Variants in FNIP2 observed in about 807,000 individuals in gnomAD.
FNIP2 encodes folliculin-interacting protein 2.
FNIP2 carries 32 observed loss-of-function variants against 108.7 expected under a neutral mutation model. The observed-to-expected ratio is 0.29, with a 90% confidence interval of 0.22 to 0.40. FNIP2 has a LOEUF of 0.40. FNIP2 is among the 10% of genes least tolerant of loss of function. The pLI is 1.00. For missense variants in FNIP2, 1,202 were observed against 1,381.6 expected, an observed-to-expected ratio of 0.87 and a Z score of 2.06; for synonymous variants, 480 against 496.7, an observed-to-expected ratio of 0.97 and a Z score of 0.45.
intron 14 of FNIP2, 21 bp downstream of exon 14, chr4:158,870,490 G>T (rs372881107): frequency 1.3e-6 from 2 of 1,585,670 alleles, no homozygotes. Context: ...CCAGTGTGGA[G>T]CCTCTGGCTG....
Position 158,851,385 on chromosome 4 carries a change from C to T in FNIP2, c.792C>T (p.Ser264=). The stretch of plus-strand genomic sequence containing the variant: ...CAAGCTCCTCTACATCTTCTTCCAG[C>T]AGTTACCAGCGCCGCTGGCTTCGAA... The part of the protein sequence containing the change: ...PSPSSSTSSS[S]SYQRRWLRSQ... The change falls in exon 8 of 17, where the codon AGC becomes AGT. Residue 264 remains serine (S), a synonymous_variant. Transcript: ENST00000264433. 1.2e-5 allele frequency: 19 copies of T among 1,613,986 alleles called. No homozygotes were observed. The highest frequency in any genetic ancestry group is 1.6e-5 in the Non-Finnish European group (19 of 1,179,882).
intron 14 of FNIP2, among the ~76,000 whole-genome samples, chr4:158,874,397 G>A (rs751970969): frequency 3.3e-5 from 5 of 150,852 alleles, no homozygotes; most frequent in Non-Finnish European, 7.4e-5. Context: ...CCCAATAAAT[G>A]TGGGCCAAAT....
intron 2 of FNIP2, among the ~76,000 whole-genome samples, chr4:158,826,263 A>G (rs752975354): frequency 4.6e-5 from 7 of 152,252 alleles, no homozygotes; most frequent in Non-Finnish European, 1.0e-4. Flanking sequence ...GTTAGCAAGT[A>G]ATCATGGCAG....
At chr4:158,835,612 T>C in intron 7 of FNIP2, 136 bp downstream of exon 7, 1 of 703,616 alleles carries the variant, frequency 1.4e-6, no homozygotes, top group South Asian at 1.8e-5. Flanking sequence ...GTCTGACATA[T>C]CTAAAGATCT....
At position 158,870,323 on chromosome 4, in the gene FNIP2, A is replaced by G. The variant is rs1780867087; in HGVS notation, c.2803A>G (p.Ile935Val). 6.2e-7 allele frequency: 1 copy of G among 1,613,664 alleles called. No homozygotes were observed. Among genetic ancestry groups the G allele is most frequent in the African/African-American group, 1.3e-5 (1 of 75,070 alleles). ...VELPLPRSQS[I>V]STQNVRNFGR... is the part of the protein sequence containing the mutation. ...CACATGTTGTTTTAGGTCTCAGAGC[A>G]TCAGCACCCAGAATGTAAGGAACTT... The change falls in exon 14 of 17, where the codon ATC becomes GTC. Residue 935 changes from isoleucine to valine, a missense_variant. Ile to Val is a conservative substitution (Grantham distance 29). Around this residue, in one of 5 missense-constraint regions of FNIP2, gnomAD observed 878 missense variants for 990.3 expected, o/e 0.89. Coordinates refer to ENST00000264433, the MANE Select transcript of FNIP2 (RefSeq NM_020840.3).
At chr4:158,883,506 C>G (rs1186121915) in intron 14 of FNIP2, among the ~76,000 whole-genome samples, 6 of 152,246 alleles carry the variant, frequency 3.9e-5, no homozygotes, top group East Asian at 3.9e-4. Flanking sequence ...CTCCCAAAAG[C>G]CTGGGATTAC....
chr4:158,786,683 G>T (rs899265334), intron 1 of FNIP2, among the ~76,000 whole-genome samples: 1 of 152,078 alleles, frequency 6.6e-6, no homozygotes, highest in Non-Finnish European at 1.5e-5. Flanking sequence ...AAAACAGCTC[G>T]GTTTGGGAAA....
intron 7 of FNIP2, among the ~76,000 whole-genome samples, chr4:158,839,779 T>A (rs553469834): frequency 7.9e-5 from 12 of 152,264 alleles, no homozygotes; most frequent in Admixed American, 7.8e-4. Flanking sequence ...GGGGTGAGTA[T>A]TTTGAGCACT....
intron 12 of FNIP2, among the ~76,000 whole-genome samples, chr4:158,862,644 A>G (rs1026356920): frequency 1.3e-5 from 2 of 152,252 alleles, no homozygotes; most frequent in Non-Finnish European, 1.5e-5. Context: ...AGAGGTTTCA[A>G]ATGTTCCCAA....
At chr4:158,791,287 T>C (rs1469556319) in intron 1 of FNIP2, among the ~76,000 whole-genome samples, 1 of 103,034 alleles carries the variant, frequency 9.7e-6, no homozygotes, top group East Asian at 2.3e-4. Flanking sequence ...TTTTTTTTTT[T>C]TTTTTTTTCT....
intron 16 of FNIP2, among the ~76,000 whole-genome samples, chr4:158,898,323 T>C (rs929233356): frequency 1.6e-4 from 24 of 152,358 alleles, no homozygotes; most frequent in African/African-American, 5.5e-4. Context: ...CTATGCAGGC[T>C]CTTTTTTGGT....
At chr4:158,779,115 G>A (rs1775952619) in intron 1 of FNIP2, among the ~76,000 whole-genome samples, 1 of 152,158 alleles carries the variant, frequency 6.6e-6, no homozygotes, top group African/African-American at 2.4e-5. Flanking sequence ...CATGTGTGCA[G>A]ATTGTTAAAC....
chr4:158,851,540 T>C, intron 8 of FNIP2, 90 bp downstream of exon 8: 1 of 1,516,420 alleles, frequency 6.6e-7, no homozygotes, highest in African/African-American at 1.4e-5. Flanking sequence ...CTATTGTCAG[T>C]GGAAAAAAAA....
intron 1 of FNIP2, among the ~76,000 whole-genome samples, chr4:158,815,525 G>A (rs1777516828): frequency 6.6e-6 from 1 of 151,970 alleles, no homozygotes; most frequent in East Asian, 1.9e-4. Context: ...TGGGACTACA[G>A]GCGCCCGCCA....
At chr4:158,833,738 T>A in intron 6 of FNIP2, 110 bp downstream of exon 6, 2 of 1,430,922 alleles carry the variant, frequency 1.4e-6, no homozygotes, top group Non-Finnish European at 1.9e-6. Context: ...TTATCTTTAA[T>A]CTGTGTTTAT....
At chr4:158,896,705 C>T (rs1200085190) in intron 16 of FNIP2, among the ~76,000 whole-genome samples, 1 of 151,454 alleles carries the variant, frequency 6.6e-6, no homozygotes, top group Non-Finnish European at 1.5e-5. Context: ...TTCTTACATA[C>T]TTTATTTACA....
chr4:158,795,305 C>G (rs1776550739), intron 1 of FNIP2, among the ~76,000 whole-genome samples: 1 of 152,168 alleles, frequency 6.6e-6, no homozygotes, highest in South Asian at 2.1e-4. Flanking sequence ...CATTTAAAAG[C>G]AGCTAGTTTA....
chr4:158,824,424 C>G (rs1199961307), intron 1 of FNIP2, among the ~76,000 whole-genome samples: 1 of 152,132 alleles, frequency 6.6e-6, no homozygotes, highest in African/African-American at 2.4e-5. Context: ...CAGAGCTCCC[C>G]CTCAGCTTCT....
At chr4:158,878,419 A>C (rs920921277) in intron 14 of FNIP2, among the ~76,000 whole-genome samples, 1 of 152,218 alleles carries the variant, frequency 6.6e-6, no homozygotes, top group African/African-American at 2.4e-5. Context: ...GTTAGGGAAA[A>C]TAAAGTCACC....
Sources: allele counts gnomAD v4.1 joint callset (sites outside exome capture counted in the v4.1 genomes callset), GRCh38; gene constraint gnomAD v4.1.1; regional missense constraint gnomAD v4.1.1; transcripts MANE v1.5; gene names NCBI Gene and HGNC (gene_info 2026-07-23, HGNC 2026-07-21).